The following TUSC3 variants were observed in gnomAD, a reference collection of about 807,000 sequenced individuals.
TUSC3 encodes tumor suppressor candidate 3, also known as dolichyl-diphosphooligosaccharide--protein glycosyltransferase subunit TUSC3.
Under a neutral mutation model 44.8 loss-of-function variants are expected in TUSC3, and 45 were observed. That is an observed-to-expected ratio of 1.00 (90% CI 0.79 to 1.29). The LOEUF is 1.29. Among genes scored for constraint, TUSC3 ranks in the 50% most tolerant of loss-of-function variants. The pLI, the probability that TUSC3 is intolerant of heterozygous loss-of-function variation, is 0.00. For synonymous variants in TUSC3, 212 were observed against 152.9 expected (o/e 1.39, Z -2.85); for missense variants, 519 against 437.9 (o/e 1.19, Z -1.65).
intron 6 of TUSC3, among the ~76,000 whole-genome samples, chr8:15,679,382 A>G (rs1346795322): frequency 6.6e-6 from 1 of 151,610 alleles, no homozygotes; most frequent in Non-Finnish European, 1.5e-5. Context: ...TTTCATGTTT[A>G]TTGACCACTT....
chr8:15,456,050 A>G (rs775422354), intron 1 of TUSC3, among the ~76,000 whole-genome samples: 5 of 152,154 alleles, frequency 3.3e-5, no homozygotes, highest in Admixed American at 6.5e-5. Context: ...GAATAATTCA[A>G]TGTGTAGGAG....
intron 6 of TUSC3, among the ~76,000 whole-genome samples, chr8:15,690,133 G>A (rs1808835257): frequency 6.6e-6 from 1 of 152,004 alleles, no homozygotes. Context: ...CACTCCTACT[G>A]GCAGTGTATA....
chr8:15,800,144 T>C, the TUSC3 span, among the ~76,000 whole-genome samples: 8,681 of 152,262 alleles, frequency 0.057, 794 homozygotes, highest in African/African-American at 0.19. Flanking sequence ...GCTCCTTGAA[T>C]GGATAGTCCA....
At chr8:15,661,822 G>A (rs1185543712) in intron 4 of TUSC3, among the ~76,000 whole-genome samples, 1 of 151,824 alleles carries the variant, frequency 6.6e-6, no homozygotes, top group African/African-American at 2.4e-5. Flanking sequence ...ATATATACAT[G>A]AGTCTTACAA....
chr8:15,513,917 C>G (rs1413994475), intron 2 of TUSC3, among the ~76,000 whole-genome samples: 1 of 152,132 alleles, frequency 6.6e-6, no homozygotes, highest in East Asian at 1.9e-4. Context: ...TGCCTCATGC[C>G]TCAGCTTCTC....
At chr8:15,472,287 C>T (rs1800503918) in intron 1 of TUSC3, among the ~76,000 whole-genome samples, 2 of 152,112 alleles carry the variant, frequency 1.3e-5, no homozygotes, top group Non-Finnish European at 1.5e-5. Flanking sequence ...ATTTAAAAGC[C>T]TGAGAGATTC....
At chr8:15,786,439 GAGAA>G in the TUSC3 span, among the ~76,000 whole-genome samples, 438 of 152,316 alleles carry the variant, frequency 2.9e-3, 2 homozygotes, top group African/African-American at 0.01. Flanking sequence ...CTATAAAAGA[GAGAA>G]AGTACTCAAA....
intron 2 of TUSC3, among the ~76,000 whole-genome samples, chr8:15,495,191 C>T (rs1223796371): frequency 6.6e-6 from 1 of 152,142 alleles, no homozygotes; most frequent in Non-Finnish European, 1.5e-5. Flanking sequence ...ATCTTCCACC[C>T]TTTAGATAAT....
At chr8:15,751,944 G>A in intron 9 of TUSC3, among the ~76,000 whole-genome samples, 1 of 152,202 alleles carries the variant, frequency 6.6e-6, no homozygotes, top group Non-Finnish European at 1.5e-5. Flanking sequence ...AAGTGATAAA[G>A]GATTTCACAA....
At chr8:15,734,084 C>G (rs1276112719) in intron 7 of TUSC3, among the ~76,000 whole-genome samples, 1 of 152,210 alleles carries the variant, frequency 6.6e-6, no homozygotes, top group African/African-American at 2.4e-5. Context: ...ATTCTAGTTT[C>G]ATTTGACAGT....
intron 2 of TUSC3, among the ~76,000 whole-genome samples, chr8:15,508,008 G>C (rs140399427): frequency 2.0e-5 from 3 of 152,104 alleles, no homozygotes; most frequent in Non-Finnish European, 4.4e-5. Context: ...TTGGGAGGCC[G>C]AAGTGGGTGG....
chr8:15,773,751 AT>A, the TUSC3 span, among the ~76,000 whole-genome samples: 5 of 152,196 alleles, frequency 3.3e-5, no homozygotes, highest in African/African-American at 7.2e-5. Flanking sequence ...AAACATATAG[AT>A]TAATAGAATG....
chr8:15,417,714 T>G (rs1236756948), intron 1 of TUSC3, among the ~76,000 whole-genome samples: 1 of 152,194 alleles, frequency 6.6e-6, no homozygotes, highest in African/African-American at 2.4e-5. Context: ...GCTTCAGGAC[T>G]TCAAAGAGAT....
the TUSC3 span, among the ~76,000 whole-genome samples, chr8:15,784,559 C>T: frequency 4.6e-5 from 7 of 152,042 alleles, no homozygotes; most frequent in African/African-American, 9.6e-5. Flanking sequence ...CACACACACA[C>T]ACCGTGGAAT....
the TUSC3 span, among the ~76,000 whole-genome samples, chr8:15,780,077 T>C: frequency 6.6e-6 from 1 of 152,204 alleles, no homozygotes; most frequent in Admixed American, 6.5e-5. Flanking sequence ...ATGAATAATA[T>C]GGTGATGTCA....
chr8:15,719,792 G>A (rs1035040791), intron 6 of TUSC3, among the ~76,000 whole-genome samples: 17 of 152,030 alleles, frequency 1.1e-4, no homozygotes, highest in African/African-American at 3.9e-4. Flanking sequence ...TGCGCCATAT[G>A]TTGCCTAAAT....
chr8:15,445,336 T>G (rs1800081401), intron 1 of TUSC3, among the ~76,000 whole-genome samples: 1 of 152,106 alleles, frequency 6.6e-6, no homozygotes. Context: ...TTTTAGTATT[T>G]ATTGATCATT....
At chr8:15,835,037 A>T in the TUSC3 span, among the ~76,000 whole-genome samples, 3 of 152,158 alleles carry the variant, frequency 2.0e-5, no homozygotes, top group Middle Eastern at 3.2e-3. Flanking sequence ...TTTATGTCTC[A>T]TTTACAACAT....
chr8:15,474,672 A>G (rs1800550887), intron 1 of TUSC3, among the ~76,000 whole-genome samples: 1 of 152,232 alleles, frequency 6.6e-6, no homozygotes, highest in Admixed American at 6.5e-5. Context: ...ACACTTTTTA[A>G]CAAGTTAATA....
Sources: gnomAD v4.1 joint callset for allele counts (sites outside exome capture counted in the v4.1 genomes callset) on GRCh38, gnomAD v4.1.1 for gene constraint, MANE v1.5 for transcripts, NCBI Gene and HGNC (gene_info 2026-07-23, HGNC 2026-07-21) for gene names.